Variants in NYAP2 observed in about 807,000 individuals in gnomAD.
NYAP2 encodes the protein neuronal tyrosine-phosphorylated phosphoinositide-3-kinase adaptor 2.
NYAP2 carries 23 observed loss-of-function variants against 50.4 expected under a neutral mutation model. That is an observed-to-expected ratio of 0.46 (90% CI 0.33 to 0.65). The LOEUF is 0.65. Among genes scored for constraint, NYAP2 ranks in the 30% least tolerant of loss-of-function variants. The pLI, the probability that NYAP2 is intolerant of heterozygous loss-of-function variation, is 0.02. For synonymous variants in NYAP2, 394 were observed against 365.2 expected (o/e 1.08, Z -0.90); for missense variants, 885 against 861.0 (o/e 1.03, Z -0.35).
At chr2:225,447,926 A>G (rs1689587108) in intron 3 of NYAP2, among the ~76,000 whole-genome samples, 1 of 152,190 alleles carries the variant, frequency 6.6e-6, no homozygotes, top group Admixed American at 6.5e-5. Context: ...AATTTTCTTG[A>G]TGTTCTTGGG....
chr2:225,518,851 G>A (rs1419793159), intron 4 of NYAP2, among the ~76,000 whole-genome samples: 1 of 150,974 alleles, frequency 6.6e-6, no homozygotes, highest in Non-Finnish European at 1.5e-5. Flanking sequence ...AAACCCCATC[G>A]GTCTAAAAAT....
intron 4 of NYAP2, among the ~76,000 whole-genome samples, chr2:225,516,894 A>T (rs1690944477): frequency 6.6e-6 from 1 of 152,156 alleles, no homozygotes; most frequent in South Asian, 2.1e-4. Flanking sequence ...TTTTCTTTTT[A>T]CATTAAATGC....
At chr2:225,665,807 T>TACAAAAAAAA in the NYAP2 span, among the ~76,000 whole-genome samples, 1 of 20,996 alleles carries the variant, frequency 4.8e-5, no homozygotes, top group Non-Finnish European at 8.5e-5. Flanking sequence ...AGCCTCCGTC[T>TACAAAAAAAA]AAAAAAAAAA....
chr2:225,537,670 C>A (rs535294018), intron 4 of NYAP2, among the ~76,000 whole-genome samples: 5 of 152,276 alleles, frequency 3.3e-5, no homozygotes, highest in South Asian at 4.1e-4. Context: ...CAAACCATAT[C>A]ATTCCACCCC....
At chr2:225,548,880 G>T (rs917538133) in intron 4 of NYAP2, among the ~76,000 whole-genome samples, 2 of 100,534 alleles carry the variant, frequency 2.0e-5, no homozygotes, top group African/African-American at 3.4e-5. Context: ...TTCTCAGAAT[G>T]CAGCAATTTT....
chr2:225,471,851 C>A (rs1011498493), intron 3 of NYAP2, among the ~76,000 whole-genome samples: 3 of 152,158 alleles, frequency 2.0e-5, no homozygotes, highest in African/African-American at 7.2e-5. Flanking sequence ...TCTGTGACAG[C>A]TAAAATGCTT....
intron 4 of NYAP2, among the ~76,000 whole-genome samples, chr2:225,569,416 G>A (rs985979296): frequency 6.6e-6 from 1 of 151,960 alleles, no homozygotes; most frequent in Non-Finnish European, 1.5e-5. Context: ...AAGAGAGAGG[G>A]GATTGAGAGA....
In NYAP2 at chr2:225,561,819, A is replaced by G. The variant is rs1009037837; in HGVS notation, c.524-20122A>G. 9.5e-4 allele frequency among the ~76,000 whole-genome samples: 144 copies of G among 152,100 alleles called. 1 individual carries two copies. Among genetic ancestry groups the G allele is most frequent in the Non-Finnish European group, 5.9e-5 (4 of 68,018 alleles). On this transcript the variant is annotated intron_variant, in intron 4 of 6. Coordinates refer to ENST00000636099, the Ensembl canonical transcript of NYAP2. ...CATTCTATATTTCTGTATTATATGT[A>G]TCATGTTATGTTGACAGTAAATGTT...
chr2:225,508,975 C>G (rs1285548312), intron 3 of NYAP2, among the ~76,000 whole-genome samples: 1 of 152,176 alleles, frequency 6.6e-6, no homozygotes, highest in East Asian at 1.9e-4. Flanking sequence ...GAACAGTTCT[C>G]TCCTAGCTCT....
chr2:225,697,147 G>A, the NYAP2 span, among the ~76,000 whole-genome samples: 3 of 151,832 alleles, frequency 2.0e-5, no homozygotes, highest in Non-Finnish European at 4.4e-5. Context: ...TGTGACAGAC[G>A]CAACATGCTA....
At chr2:225,536,275 C>T (rs1691348894) in intron 4 of NYAP2, among the ~76,000 whole-genome samples, 1 of 152,178 alleles carries the variant, frequency 6.6e-6, no homozygotes, top group South Asian at 2.1e-4. Context: ...ACATGGTAGG[C>T]AGCACAGTGC....
chr2:225,530,464 A>C (rs10933097), intron 4 of NYAP2, among the ~76,000 whole-genome samples: 1 of 151,936 alleles, frequency 6.6e-6, no homozygotes, highest in Non-Finnish European at 1.5e-5. Context: ...ATGTCTCTTC[A>C]GCATTTTAGA....
At chr2:225,688,608 C>A in the NYAP2 span, among the ~76,000 whole-genome samples, 1 of 152,066 alleles carries the variant, frequency 6.6e-6, no homozygotes, top group African/African-American at 2.4e-5. Flanking sequence ...TTATTATTTT[C>A]ATTTTACAGG....
chr2:225,622,928 C>A (rs1461437308), intron 5 of NYAP2, among the ~76,000 whole-genome samples: 2 of 152,102 alleles, frequency 1.3e-5, no homozygotes, highest in African/African-American at 4.8e-5. Flanking sequence ...TTCTAACATT[C>A]TTTTAAAAAT....
intron 4 of NYAP2, among the ~76,000 whole-genome samples, chr2:225,570,995 A>G (rs1692061299): frequency 6.6e-6 from 1 of 152,264 alleles, no homozygotes; most frequent in South Asian, 2.1e-4. Flanking sequence ...CAAAGGGGCT[A>G]CAGGCCCCAT....
At chr2:225,583,166 A>G (rs1692330283) in intron 5 of NYAP2, 131 bp downstream of exon 5, 1 of 1,116,302 alleles carries the variant, frequency 9.0e-7, no homozygotes, top group Non-Finnish European at 1.2e-6. Context: ...TTAGCATGCA[A>G]ACAAAATGTG....
At chr2:225,581,689 G>A (rs1169614764) in intron 4 of NYAP2, among the ~76,000 whole-genome samples, 1 of 152,178 alleles carries the variant, frequency 6.6e-6, no homozygotes, top group African/African-American at 2.4e-5. Context: ...GGGGTGAACA[G>A]TCCTGGTTTT....
chr2:225,574,001 A>G (rs1692125298), intron 4 of NYAP2, among the ~76,000 whole-genome samples: 2 of 152,152 alleles, frequency 1.3e-5, no homozygotes, highest in Non-Finnish European at 1.5e-5. Context: ...CTGTCAAACG[A>G]AATTTGCCTT....
At chr2:225,557,597 A>C (rs1691802383) in intron 4 of NYAP2, among the ~76,000 whole-genome samples, 1 of 152,168 alleles carries the variant, frequency 6.6e-6, no homozygotes, top group Admixed American at 6.5e-5. Flanking sequence ...GGAAGGAGCA[A>C]CATTAAATAG....
Sources: gnomAD v4.1 joint callset for allele counts (sites outside exome capture counted in the v4.1 genomes callset) on GRCh38, gnomAD v4.1.1 for gene constraint, MANE v1.5 for transcripts, NCBI Gene and HGNC (gene_info 2026-07-23, HGNC 2026-07-21) for gene names.